Variants in PACRG observed in about 807,000 individuals in gnomAD.
The protein encoded by PACRG is parkin coregulated.
PACRG carries 29 observed loss-of-function variants against 29.7 expected under a neutral mutation model. The ratio of observed to expected loss-of-function variants is 0.98; its 90% CI spans 0.73 to 1.33. The LOEUF is 1.33. Among genes scored for constraint, PACRG ranks in the 40% most tolerant of loss-of-function variants. The pLI, the probability that PACRG is intolerant of heterozygous loss-of-function variation, is 0.00. For missense variants in PACRG, 279 were observed against 316.2 expected (o/e 0.88, Z 0.89); for synonymous variants, 116 against 118.7 (o/e 0.98, Z 0.15).
intron 4 of PACRG, among the ~76,000 whole-genome samples, chr6:163,149,415 A>G (rs917416288): frequency 7.2e-5 from 11 of 152,190 alleles, no homozygotes; most frequent in South Asian, 6.2e-4. Flanking sequence ...GGCCACGTCT[A>G]TGTGCGGCCT....
At chr6:162,882,389 C>T (rs1793968496) in intron 2 of PACRG, among the ~76,000 whole-genome samples, 1 of 151,856 alleles carries the variant, frequency 6.6e-6, no homozygotes, top group Non-Finnish European at 1.5e-5. Context: ...GCACCGTCCA[C>T]CAAGATCAGT....
At chr6:162,819,272 A>C (rs1787628253) in intron 2 of PACRG, among the ~76,000 whole-genome samples, 1 of 152,212 alleles carries the variant, frequency 6.6e-6, no homozygotes, top group South Asian at 2.1e-4. Context: ...CCATGGAGGC[A>C]AATTTCCCCT....
chr6:162,903,493 A>G lies in PACRG; in HGVS notation c.291+89212A>G, dbSNP rs145500321. Among the ~76,000 whole-genome samples, 986 of 151,862 alleles carry G rather than the reference A, an allele frequency of 6.5e-3. 11 individuals are homozygous for G. Among genetic ancestry groups the G allele is most frequent in the African/African-American group, 0.018 (744 of 41,486 alleles). ...TCACAATCATGGCAGAAGGTGAAAG[A>G]CACATCTTACATGGCGGCAGGCAAG... is the stretch of plus-strand genomic sequence containing the variant. On this transcript the variant is annotated intron_variant, in intron 2 of 4. Transcript: ENST00000366888.
At chr6:162,978,020 T>C (rs1584922466) in intron 2 of PACRG, among the ~76,000 whole-genome samples, 1 of 151,704 alleles carries the variant, frequency 6.6e-6, no homozygotes, top group Non-Finnish European at 1.5e-5. Context: ...GGCAGGCGCC[T>C]GTAATCCCAG....
chr6:163,109,014 G>A (rs1815559924), intron 4 of PACRG, among the ~76,000 whole-genome samples: 1 of 152,146 alleles, frequency 6.6e-6, no homozygotes, highest in Non-Finnish European at 1.5e-5. Context: ...TATCACCTTG[G>A]CAGAAGACTG....
intron 1 of PACRG, among the ~76,000 whole-genome samples, chr6:162,730,057 G>GTCTC (rs57003457): frequency 0.46 from 61,211 of 132,638 alleles, 12,947 homozygotes; most frequent in South Asian, 0.66. Context: ...GTCAACAACT[G>GTCTC]TCTCTCTTTT....
intron 1 of PACRG, among the ~76,000 whole-genome samples, chr6:162,741,010 C>T (rs1441019622): frequency 6.6e-6 from 1 of 151,910 alleles, no homozygotes; most frequent in African/African-American, 2.4e-5. Flanking sequence ...AAGATTTGTT[C>T]CTCTTCAGTC....
intron 2 of PACRG, among the ~76,000 whole-genome samples, chr6:162,884,960 A>C (rs537700268): frequency 6.6e-6 from 1 of 152,144 alleles, no homozygotes; most frequent in East Asian, 1.9e-4. Context: ...AAACAGACAG[A>C]AGTTCTCTGC....
chr6:162,958,872 TATATATATATATAGAGAGAGAGAG>T (rs1197883433), intron 2 of PACRG, among the ~76,000 whole-genome samples: 327 of 61,064 alleles, frequency 5.4e-3, no homozygotes, highest in Middle Eastern at 8.9e-3. Context: ...TATATATATA[TATATATATATATAGAGAGAGAGAG>T]AGAGAGAGAG....
At chr6:163,290,632 T>G (rs1421688832) in intron 4 of PACRG, among the ~76,000 whole-genome samples, 1 of 152,182 alleles carries the variant, frequency 6.6e-6, no homozygotes, top group Admixed American at 6.5e-5. Context: ...ATGCTAATCA[T>G]AGCACCTGCC....
intron 2 of PACRG, among the ~76,000 whole-genome samples, chr6:162,938,832 C>T (rs116774773): frequency 1.3e-5 from 2 of 152,068 alleles, no homozygotes; most frequent in African/African-American, 2.4e-5. Context: ...GTACTTAGCT[C>T]ACTTTTTATT....
At chr6:163,302,908 A>G (rs1785057455) in intron 4 of PACRG, among the ~76,000 whole-genome samples, 1 of 152,204 alleles carries the variant, frequency 6.6e-6, no homozygotes, top group African/African-American at 2.4e-5. Flanking sequence ...GTCACCTACA[A>G]TGATTCAGCC....
intron 2 of PACRG, among the ~76,000 whole-genome samples, chr6:163,033,769 T>G (rs1807892365): frequency 6.6e-6 from 1 of 152,102 alleles, no homozygotes; most frequent in African/African-American, 2.4e-5. Context: ...GGTTACAAGG[T>G]CAAGCCCCCA....
chr6:163,104,093 G>A (rs1031970295), intron 4 of PACRG, among the ~76,000 whole-genome samples: 2 of 152,164 alleles, frequency 1.3e-5, no homozygotes, highest in Non-Finnish European at 2.9e-5. Context: ...TTATATGCTG[G>A]TAGATCAAAG....
chr6:163,179,557 T>A (rs571990041), intron 4 of PACRG, among the ~76,000 whole-genome samples: 18 of 152,064 alleles, frequency 1.2e-4, no homozygotes, highest in African/African-American at 4.1e-4. Context: ...AATTCAAAAG[T>A]AATCCAGGTG....
At chr6:162,982,599 A>G (rs1562801238) in intron 2 of PACRG, among the ~76,000 whole-genome samples, 3 of 151,788 alleles carry the variant, frequency 2.0e-5, no homozygotes, top group Non-Finnish European at 4.4e-5. Context: ...ATTTCCATGT[A>G]TTTGTATGGT....
intron 3 of PACRG, among the ~76,000 whole-genome samples, chr6:163,076,504 T>A (rs1812556069): frequency 6.6e-6 from 1 of 152,196 alleles, no homozygotes; most frequent in Non-Finnish European, 1.5e-5. Flanking sequence ...CCTTATCAGG[T>A]GCATTTCCAG....
chr6:163,023,320 G>A (rs1806818842), intron 2 of PACRG, among the ~76,000 whole-genome samples: 1 of 152,162 alleles, frequency 6.6e-6, no homozygotes, highest in African/African-American at 2.4e-5. Context: ...GTGAGAACAT[G>A]CAGTATTTGG....
intron 2 of PACRG, among the ~76,000 whole-genome samples, chr6:162,857,332 C>T (rs1791487117): frequency 2.0e-5 from 3 of 152,174 alleles, no homozygotes; most frequent in Non-Finnish European, 1.5e-5. Flanking sequence ...AGCCATTGTC[C>T]TCATTAAGCC....
Sources: gnomAD v4.1 joint callset for allele counts (sites outside exome capture counted in the v4.1 genomes callset) on GRCh38, gnomAD v4.1.1 for gene constraint, MANE v1.5 for transcripts, NCBI Gene and HGNC (gene_info 2026-07-23, HGNC 2026-07-21) for gene names.